The following CMSS1 variants were observed in gnomAD, a reference collection of about 807,000 sequenced individuals.
CMSS1 encodes cms1 ribosomal small subunit homolog, also known as protein CMSS1.
In CMSS1, 33 loss-of-function variants were observed where a neutral mutation model predicts 43.5. The ratio of observed to expected loss-of-function variants is 0.76; its 90% CI spans 0.57 to 1.01. The LOEUF is 1.01. Among genes scored for constraint, CMSS1 ranks in the 50% least tolerant of loss-of-function variants. The probability of loss-of-function intolerance (pLI) is 0.00; values close to 1 mark genes in which losing one functional copy is unlikely to be tolerated. For missense variants in CMSS1, 313 were observed against 326.4 expected, an observed-to-expected ratio of 0.96 and a Z score of 0.32; for synonymous variants, 115 against 117.2, an observed-to-expected ratio of 0.98 and a Z score of 0.12.
intron 1 of CMSS1, among the ~76,000 whole-genome samples, chr3:100,108,386 T>G (rs1270533812): frequency 6.6e-6 from 1 of 152,180 alleles, no homozygotes; most frequent in Non-Finnish European, 1.5e-5. Flanking sequence ...TAACTGTGCT[T>G]ATTACTTACC....
chr3:99,843,241 T>C (rs1011321701), intron 1 of CMSS1, among the ~76,000 whole-genome samples: 22 of 152,138 alleles, frequency 1.4e-4, no homozygotes, highest in African/African-American at 5.3e-4. Context: ...GGGCCTGGGA[T>C]TGAGAGAGAA....
chr3:100,067,790 T>C (rs1003035190), intron 1 of CMSS1, among the ~76,000 whole-genome samples: 21 of 152,112 alleles, frequency 1.4e-4, no homozygotes, highest in Admixed American at 2.0e-4. Flanking sequence ...ATCCAAGCCT[T>C]GAGTGAAGTG....
chr3:99,977,713 G>C (rs935148069), intron 1 of CMSS1, among the ~76,000 whole-genome samples: 5 of 152,094 alleles, frequency 3.3e-5, no homozygotes, highest in Non-Finnish European at 5.9e-5. Context: ...AAAAATAAGA[G>C]AATGGAATCA....
At chr3:99,895,674 T>C (rs910318670) in intron 1 of CMSS1, among the ~76,000 whole-genome samples, 3 of 152,214 alleles carry the variant, frequency 2.0e-5, no homozygotes, top group African/African-American at 7.2e-5. Context: ...CTTATCACTG[T>C]ACATGTAATA....
chr3:99,953,828 A>G (rs749978493), intron 1 of CMSS1, among the ~76,000 whole-genome samples: 4 of 152,166 alleles, frequency 2.6e-5, no homozygotes, highest in Non-Finnish European at 4.4e-5. Context: ...GTGCCCTTTC[A>G]TGAGGAATCC....
chr3:100,053,002 G>T (rs2065399528), intron 1 of CMSS1, among the ~76,000 whole-genome samples: 1 of 152,078 alleles, frequency 6.6e-6, no homozygotes, highest in African/African-American at 2.4e-5. Flanking sequence ...CTGTGGAGTT[G>T]TTCGCCTGCT....
rs142086380 is a variant in CMSS1, at chr3:99,835,773, G to A, written c.64+17730G>A. Among the ~76,000 whole-genome samples, 768 of 152,236 alleles carry A rather than the reference G, an allele frequency of 5.0e-3. 6 individuals carry two copies. The highest frequency in any genetic ancestry group is 0.017 in the African/African-American group (721 of 41,522). On this transcript the variant is annotated intron_variant, in intron 1 of 9. Coordinates refer to ENST00000421999, the MANE Select transcript of CMSS1 (RefSeq NM_032359.4). Reference sequence around the variant, plus strand: ...ACAAATAATTATGAGGTAGAATGACGTGCAATAATAGAATTACAGACAGCA... The same window carrying A: ...ACAAATAATTATGAGGTAGAATGACATGCAATAATAGAATTACAGACAGCA...
intron 2 of CMSS1, among the ~76,000 whole-genome samples, chr3:100,147,469 C>T (rs2066863963): frequency 6.6e-6 from 1 of 151,908 alleles, no homozygotes; most frequent in Non-Finnish European, 1.5e-5. Context: ...GATGAGGTTT[C>T]TCTGTGTTGC....
At chr3:100,017,146 A>C (rs536350771) in intron 1 of CMSS1, among the ~76,000 whole-genome samples, 1 of 152,362 alleles carries the variant, frequency 6.6e-6, no homozygotes, top group African/African-American at 2.4e-5. Context: ...TTGTCATCAA[A>C]AATCAGAATT....
intron 1 of CMSS1, among the ~76,000 whole-genome samples, chr3:99,886,915 A>T (rs556596477): frequency 1.3e-5 from 2 of 150,748 alleles, no homozygotes; most frequent in East Asian, 3.9e-4. Context: ...GGTTGTAGTG[A>T]GCCAAGATCA....
At chr3:100,077,212 A>G (rs1422513129) in intron 1 of CMSS1, among the ~76,000 whole-genome samples, 1 of 152,234 alleles carries the variant, frequency 6.6e-6, no homozygotes, top group Non-Finnish European at 1.5e-5. Context: ...CGTAGGTTCC[A>G]AGCAAATGGG....
chr3:99,985,590 A>G (rs1346400542), intron 1 of CMSS1, among the ~76,000 whole-genome samples: 2 of 151,110 alleles, frequency 1.3e-5, no homozygotes, highest in Non-Finnish European at 3.0e-5. Flanking sequence ...AATCATGAGA[A>G]AAGCTTTTTT....
intron 1 of CMSS1, among the ~76,000 whole-genome samples, chr3:99,825,030 G>A (rs1942511373): frequency 6.6e-6 from 1 of 152,056 alleles, no homozygotes; most frequent in Non-Finnish European, 1.5e-5. Flanking sequence ...TTTTTGTTCT[G>A]TGTTTTTTCT....
intron 1 of CMSS1, among the ~76,000 whole-genome samples, chr3:99,871,642 A>C (rs1446989403): frequency 6.6e-6 from 1 of 152,184 alleles, no homozygotes; most frequent in Non-Finnish European, 1.5e-5. Flanking sequence ...GCATTGAGTC[A>C]CTTTGAATTT....
At chr3:99,938,143 A>G (rs1576587089) in intron 1 of CMSS1, among the ~76,000 whole-genome samples, 1 of 152,170 alleles carries the variant, frequency 6.6e-6, no homozygotes, top group Middle Eastern at 3.2e-3. Flanking sequence ...CACGTAACTT[A>G]CTGGAAATCT....
rs182955302 is a variant in CMSS1, at chr3:99,859,549, A to C, written c.64+41506A>C. On this transcript the variant is annotated intron_variant, in intron 1 of 9. Coordinates refer to ENST00000421999, the MANE Select transcript of CMSS1 (RefSeq NM_032359.4). ...GATTACTAAGCAGAAAACTGCATAC[A>C]TCACACTCCTTTATTTATTTTTATA... Among the ~76,000 whole-genome samples, 42 of 152,352 alleles carry C rather than the reference A, an allele frequency of 2.8e-4. No individual in the cohort carries two copies. The East Asian group carries it at 5.6e-3, about 20-fold the overall frequency.
intron 1 of CMSS1, among the ~76,000 whole-genome samples, chr3:100,016,473 C>T (rs1576643541): frequency 6.6e-6 from 1 of 152,166 alleles, no homozygotes; most frequent in African/African-American, 2.4e-5. Flanking sequence ...GTGTGAGCTA[C>T]TACACCCAGC....
At chr3:100,113,009 A>T (rs1313215997) in intron 1 of CMSS1, among the ~76,000 whole-genome samples, 2 of 152,232 alleles carry the variant, frequency 1.3e-5, no homozygotes, top group African/African-American at 4.8e-5. Context: ...TCTCTCTAGT[A>T]TTAACTACAC....
At chr3:100,076,952 G>A (rs946646640) in intron 1 of CMSS1, among the ~76,000 whole-genome samples, 1 of 152,210 alleles carries the variant, frequency 6.6e-6, no homozygotes, top group Non-Finnish European at 1.5e-5. Flanking sequence ...TGCAAGAGAT[G>A]TCTCTTCCCA....
Sources: gnomAD v4.1 joint callset for allele counts (sites outside exome capture counted in the v4.1 genomes callset) on GRCh38, gnomAD v4.1.1 for gene constraint, MANE v1.5 for transcripts, NCBI Gene and HGNC (gene_info 2026-07-23, HGNC 2026-07-21) for gene names.